KCNH7: variants seen among roughly 807,000 people sequenced by gnomAD.
The protein encoded by KCNH7 is potassium voltage-gated channel subfamily H member 7, also known as voltage-gated inwardly rectifying potassium channel KCNH7.
In KCNH7, 49 loss-of-function variants were observed where a neutral mutation model predicts 120.8. The observed-to-expected ratio is 0.41, with a 90% CI of 0.32 to 0.51. KCNH7 has a LOEUF of 0.51. KCNH7 is among the 20% of genes least tolerant of loss of function. The pLI, the probability that KCNH7 is intolerant of heterozygous loss-of-function variation, is 0.38. For missense variants in KCNH7, 1,097 were observed against 1,446.6 expected (o/e 0.76, Z 3.92); for synonymous variants, 547 against 516.1 (o/e 1.06, Z -0.81).
At chr2:162,763,385 A>G (rs1689030072) in intron 2 of KCNH7, among the ~76,000 whole-genome samples, 1 of 152,084 alleles carries the variant, frequency 6.6e-6, no homozygotes, top group Admixed American at 6.6e-5. Context: ...TACCAAGTAG[A>G]TATAGTTTGT....
chr2:162,416,264 TG>T (rs1687539301), intron 9 of KCNH7, among the ~76,000 whole-genome samples: 1 of 150,972 alleles, frequency 6.6e-6, no homozygotes, highest in African/African-American at 2.4e-5. Flanking sequence ...TACCAGCTAC[TG>T]GGGAGGCTGA....
At chr2:162,687,104 G>A (rs1574266560) in intron 2 of KCNH7, among the ~76,000 whole-genome samples, 1 of 152,070 alleles carries the variant, frequency 6.6e-6, no homozygotes. Flanking sequence ...GAAAAATACG[G>A]CTGGTAACAC....
At chr2:162,707,675 T>C (rs565600689) in intron 2 of KCNH7, among the ~76,000 whole-genome samples, 1 of 152,216 alleles carries the variant, frequency 6.6e-6, no homozygotes, top group South Asian at 2.1e-4. Flanking sequence ...TATAAATAGC[T>C]CTGATATAAA....
chr2:162,401,147 C>T (rs542015233), intron 9 of KCNH7, among the ~76,000 whole-genome samples: 5 of 152,018 alleles, frequency 3.3e-5, no homozygotes, highest in Admixed American at 3.3e-4. Context: ...ACTGTTTTGA[C>T]AACCTATTCA....
chr2:162,378,161 A>T (rs73014834), intron 14 of KCNH7, among the ~76,000 whole-genome samples: 4,669 of 152,312 alleles, frequency 0.031, 236 homozygotes, highest in African/African-American at 0.1. Flanking sequence ...CCTATCTGCA[A>T]GTAGAACAAC....
chr2:162,559,731 T>C (rs1308884516), intron 2 of KCNH7, among the ~76,000 whole-genome samples: 2 of 152,130 alleles, frequency 1.3e-5, no homozygotes, highest in Non-Finnish European at 2.9e-5. Flanking sequence ...CTCACATTGA[T>C]GGGGTAAGGT....
chr2:162,809,817 T>G (rs1169987013), intron 2 of KCNH7, among the ~76,000 whole-genome samples: 2 of 152,144 alleles, frequency 1.3e-5, no homozygotes, highest in Non-Finnish European at 1.5e-5. Flanking sequence ...AGAATAACAT[T>G]AACTCATTGA....
At chr2:162,699,591 T>C (rs1309395594) in intron 2 of KCNH7, among the ~76,000 whole-genome samples, 1 of 152,190 alleles carries the variant, frequency 6.6e-6, no homozygotes. Context: ...TACTTCATAT[T>C]GAGCTTCTTG....
chr2:162,504,420 T>C (rs774699842), intron 6 of KCNH7, 23 bp downstream of exon 6: 3 of 1,552,650 alleles, frequency 1.9e-6, no homozygotes, highest in Admixed American at 1.7e-5. Flanking sequence ...ACAGTTGAAA[T>C]TGATAAGAAA....
intron 2 of KCNH7, among the ~76,000 whole-genome samples, chr2:162,545,100 T>C (rs1054753171): frequency 6.6e-6 from 1 of 152,284 alleles, no homozygotes; most frequent in Non-Finnish European, 1.5e-5. Context: ...AGACCTGTCC[T>C]GCATTCATCT....
chr2:162,748,269 G>A (rs917508903), intron 2 of KCNH7, among the ~76,000 whole-genome samples: 1 of 152,140 alleles, frequency 6.6e-6, no homozygotes, highest in African/African-American at 2.4e-5. Context: ...TGTCTTAAGT[G>A]TCTTCACTGT....
chr2:162,609,442 A>AT (rs988133635), intron 2 of KCNH7, among the ~76,000 whole-genome samples: 1 of 151,830 alleles, frequency 6.6e-6, no homozygotes, highest in Admixed American at 6.6e-5. Context: ...TACTTACAGG[A>AT]TTTTTTAAGG....
chr2:162,384,959 A>G lies in KCNH7; in HGVS notation c.2711-20T>C, dbSNP rs758159725. The G allele has an allele frequency of 4.4e-6, 7 of 1,581,604 alleles. No individual in the cohort carries two copies. The East Asian group carries it at 1.1e-4, about 25-fold the overall frequency. On this transcript the variant is annotated intron_variant, in intron 12 of 15. Coordinates refer to ENST00000332142, the MANE Select transcript of KCNH7 (RefSeq NM_033272.4). ...TGTTTTCTTTGCCAAAATATATCAA[A>G]GAAAAGTTATTTTATAGCAGACAAT...
At chr2:162,471,017 T>G (rs187415218) in intron 6 of KCNH7, among the ~76,000 whole-genome samples, 1 of 152,172 alleles carries the variant, frequency 6.6e-6, no homozygotes, top group Non-Finnish European at 1.5e-5. Flanking sequence ...CGGTGCAAGA[T>G]GTGCTTTGTT....
chr2:162,604,364 A>AC (rs1309930787), intron 2 of KCNH7, among the ~76,000 whole-genome samples: 1 of 152,114 alleles, frequency 6.6e-6, no homozygotes, highest in African/African-American at 2.4e-5. Context: ...AATTAAAAAA[A>AC]ATTTAATAAT....
chr2:162,619,023 G>T (rs1396371636), intron 2 of KCNH7, among the ~76,000 whole-genome samples: 1 of 152,100 alleles, frequency 6.6e-6, no homozygotes, highest in East Asian at 1.9e-4. Context: ...AAGTAAAAAA[G>T]TTGGTGCCCT....
intron 8 of KCNH7, among the ~76,000 whole-genome samples, chr2:162,434,522 T>C (rs1473208844): frequency 1.3e-5 from 2 of 152,080 alleles, no homozygotes; most frequent in Non-Finnish European, 2.9e-5. Flanking sequence ...AAAATACATG[T>C]TAATATTAAA....
intron 2 of KCNH7, among the ~76,000 whole-genome samples, chr2:162,634,793 C>A (rs112615404): frequency 1.3e-5 from 2 of 151,994 alleles, no homozygotes; most frequent in African/African-American, 4.8e-5. Flanking sequence ...TGTCACTGTT[C>A]ACTAACTTGA....
intron 2 of KCNH7, among the ~76,000 whole-genome samples, chr2:162,789,898 CT>C (rs1683859343): frequency 6.6e-6 from 1 of 151,590 alleles, no homozygotes; most frequent in Admixed American, 6.6e-5. Flanking sequence ...AAGAAAAGAT[CT>C]CAAATAAGCA....
Sources: gnomAD v4.1 joint callset for allele counts (sites outside exome capture counted in the v4.1 genomes callset) on GRCh38, gnomAD v4.1.1 for gene constraint, MANE v1.5 for transcripts, NCBI Gene and HGNC (gene_info 2026-07-23, HGNC 2026-07-21) for gene names.